GTF3C4: variants seen among roughly 807,000 people sequenced by gnomAD.
The protein encoded by GTF3C4 is general transcription factor IIIC subunit 4.
In GTF3C4, 28 loss-of-function variants were observed where a neutral mutation model predicts 67.5. The ratio of observed to expected loss-of-function variants is 0.41; its 90% CI spans 0.31 to 0.57. GTF3C4 has a LOEUF of 0.57. Among genes scored for constraint, GTF3C4 ranks in the 20% least tolerant of loss-of-function variants. GTF3C4 has a pLI of 0.21. For synonymous variants in GTF3C4, 409 were observed against 393.0 expected (o/e 1.04, Z -0.48); for missense variants, 831 against 1,033.2 (o/e 0.80, Z 2.68).
Position 132,679,866 on chromosome 9 carries a change from G to A in GTF3C4, c.2184+63G>A. ...CCTGCTTTCTTCATGAGAAAGAAATGACCTAAATTGAGTTCCTGAAGCTCA... is the reference window on the plus strand; with the variant it reads ...CCTGCTTTCTTCATGAGAAAGAAATAACCTAAATTGAGTTCCTGAAGCTCA... On this transcript the variant is annotated intron_variant, in intron 2 of 4. Coordinates refer to ENST00000372146, the MANE Select transcript of GTF3C4 (RefSeq NM_012204.4). This position sits in a 1 kb window ranked among gnomAD's most constrained non-coding sequence, Gnocchi z 5.9. 1.9e-5 allele frequency: 27 copies of A among 1,431,022 alleles called. No homozygotes were observed. The highest frequency in any genetic ancestry group is 2.5e-5 in the Non-Finnish European group (27 of 1,061,974). 88.6% of individuals were successfully genotyped at this position (1,431,022 alleles called of 1,614,324 possible). A position where few individuals can be genotyped will look rare whatever the true frequency, so the allele number is the denominator to read the frequency against.
chr9:132,682,168 A>T (rs1278455211), intron 2 of GTF3C4, among the ~76,000 whole-genome samples: 1 of 152,058 alleles, frequency 6.6e-6, no homozygotes, highest in Non-Finnish European at 1.5e-5. Context: ...TCACTGTATC[A>T]TTATCAGGAT....
At position 132,683,688 on chromosome 9, in the gene GTF3C4, G is replaced by A; in HGVS notation, c.2310G>A (p.Trp770Ter). 1 of 1,606,820 alleles carries A rather than the reference G, an allele frequency of 6.2e-7. No individual in the cohort carries two copies. Among genetic ancestry groups the A allele is most frequent in the Non-Finnish European group, 8.5e-7 (1 of 1,178,176 alleles). ...CAGTCTGTTCCAATGGCCACATTTG[G>A]CTCCGGTAAGCCATTTTAAAAGTTT... is the stretch of plus-strand genomic sequence containing the variant. ...KQAVCSNGHI[W>*]LRCFLTYQSC... Residue 770 changes from tryptophan to a stop codon, truncating the protein, a stop_gained, in exon 3 of 5, where the codon TGG becomes TGA. Transcript: ENST00000372146. LOFTEE classifies it high-confidence loss of function.
upstream of GTF3C4, chr9:132,670,308 A>C: frequency 2.0e-6 from 3 of 1,494,996 alleles, no homozygotes; most frequent in Non-Finnish European, 2.7e-6. Flanking sequence ...TTAGGAACTA[A>C]AGCCTGTCTG....
At chr9:132,683,261 A>G (rs1394368207) in intron 2 of GTF3C4, among the ~76,000 whole-genome samples, 1 of 152,218 alleles carries the variant, frequency 6.6e-6, no homozygotes, top group Non-Finnish European at 1.5e-5. Context: ...AAAACAAGGC[A>G]AGTAATAAGA....
intron 2 of GTF3C4, among the ~76,000 whole-genome samples, chr9:132,682,324 C>A (rs1300782996): frequency 6.6e-6 from 1 of 152,134 alleles, no homozygotes; most frequent in Non-Finnish European, 1.5e-5. Flanking sequence ...GGTAAGATAG[C>A]TGGCTTACCA....
chr9:132,687,413 G>A (rs456396), intron 4 of GTF3C4, 86 bp downstream of exon 4: 350,730 of 672,278 alleles, frequency 0.52, 85,954 homozygotes, highest in African/African-American at 0.65. Flanking sequence ...TTCTAGTCAC[G>A]CTCTACACTT....
intron 4 of GTF3C4, among the ~76,000 whole-genome samples, chr9:132,687,681 T>C (rs1268267027): frequency 6.6e-6 from 1 of 152,238 alleles, no homozygotes; most frequent in Non-Finnish European, 1.5e-5. Flanking sequence ...CTGTGGATGA[T>C]ACTTTATACG....
At chr9:132,671,191 C>T (rs571971626) in intron 1 of GTF3C4, among the ~76,000 whole-genome samples, 34 of 152,300 alleles carry the variant, frequency 2.2e-4, no homozygotes, top group Non-Finnish European at 4.4e-4. Context: ...CACAGGTACA[C>T]ACCCAGGGGG....
chr9:132,681,683 T>C (rs1322118995), intron 2 of GTF3C4, among the ~76,000 whole-genome samples: 1 of 152,166 alleles, frequency 6.6e-6, no homozygotes, highest in Non-Finnish European at 1.5e-5. Context: ...AAGTAAGAAC[T>C]TTTTGTCCCA....
chr9:132,673,807 CATTA>C (rs763422292), intron 1 of GTF3C4, among the ~76,000 whole-genome samples: 15 of 152,270 alleles, frequency 9.9e-5, no homozygotes, highest in South Asian at 4.1e-4. Flanking sequence ...ATAGTTCAGA[CATTA>C]ATTATCAGCT....
At position 132,678,252 on chromosome 9, in the gene GTF3C4, C is replaced by G. The variant is rs774888300; in HGVS notation, c.633C>G (p.Ile211Met). 14 of 1,614,074 alleles carry G rather than the reference C, an allele frequency of 8.7e-6. No individual in the cohort carries two copies. The highest frequency in any genetic ancestry group is 2.2e-5 in the East Asian group (1 of 44,904). The change falls in exon 2 of 5, where the codon ATC becomes ATG. Residue 211 changes from isoleucine to methionine, a missense_variant. Coordinates refer to ENST00000372146, the MANE Select transcript of GTF3C4 (RefSeq NM_012204.4). The surrounding 1 kb of genome is among the most constrained non-coding windows in gnomAD (Gnocchi z 6.5). ...TCCAGCTGGTTGACCTGACTGAGAT[C>G]TATGGAGAACGTCTTTATGAGACCA... is the stretch of plus-strand genomic sequence containing the variant. ...QWVQLVDLTEIYGERLYETSY... is the reference protein window; with the variant it reads ...QWVQLVDLTEMYGERLYETSY...
chr9:132,685,177 G>T (rs1489515803), intron 3 of GTF3C4, among the ~76,000 whole-genome samples: 2 of 151,808 alleles, frequency 1.3e-5, no homozygotes. Context: ...ACCACACCCG[G>T]CTAATTTTTT....
At position 132,692,622 on chromosome 9, in the gene GTF3C4, C is replaced by T. The variant is rs1372643084; in HGVS notation, c.*3677C>T. On this transcript the variant is annotated 3_prime_UTR_variant, in exon 5 of 5. Coordinates refer to ENST00000372146, the MANE Select transcript of GTF3C4 (RefSeq NM_012204.4). ...CACCATGGACTGTTTTGAGTCTCTGCATGGTTTCCATAATTCATTATGATG... is the reference window on the plus strand; with the variant it reads ...CACCATGGACTGTTTTGAGTCTCTGTATGGTTTCCATAATTCATTATGATG... 1 of 152,184 alleles carries T rather than the reference C, an allele frequency of 6.6e-6. No homozygotes were observed. The highest frequency in any genetic ancestry group is 1.5e-5 in the Non-Finnish European group (1 of 68,036). The allele number at this position is 152,184 out of a possible 1,614,324, so 9.4% of individuals were successfully genotyped here.
chr9:132,683,461 CT>C (rs1835978700), intron 2 of GTF3C4, 101 bp from the exon 3 acceptor site: 14 of 1,067,154 alleles, frequency 1.3e-5, no homozygotes, highest in Admixed American at 2.5e-5. Flanking sequence ...TTGCTCTTTT[CT>C]TTTTTTCTTT....
rs1405463664 is a variant in GTF3C4 at position 132,678,427 on chromosome 9, G to A, written c.808G>A (p.Asp270Asn). 1 of 1,614,236 alleles carries A rather than the reference G, an allele frequency of 6.2e-7. No homozygotes were observed. Among genetic ancestry groups the A allele is most frequent in the East Asian group, 2.2e-5 (1 of 44,892 alleles). The change falls in exon 2 of 5, where the codon GAC becomes AAC. Residue 270 changes from aspartate to asparagine, a missense_variant. By Grantham distance (23) the Asp-to-Asn change is conservative. Transcript: ENST00000372146. This position sits in a 1 kb window ranked among gnomAD's most constrained non-coding sequence, Gnocchi z 6.5. ...GGTCAAGCATAACAACGAATGCCGG[G>A]ACGTTGGCAGTGTGCTCCTGGCTGT... is the stretch of plus-strand genomic sequence containing the variant. ...QQVKHNNECR[D>N]VGSVLLAVLF...
At chr9:132,677,377 G>T (rs572661207) in intron 1 of GTF3C4, among the ~76,000 whole-genome samples, 1 of 152,206 alleles carries the variant, frequency 6.6e-6, no homozygotes, top group Non-Finnish European at 1.5e-5. Flanking sequence ...ACTCCAGCCC[G>T]GGCGACAGAA....
chr9:132,674,343 G>C (rs1835834083), intron 1 of GTF3C4, among the ~76,000 whole-genome samples: 1 of 152,236 alleles, frequency 6.6e-6, no homozygotes, highest in African/African-American at 2.4e-5. Flanking sequence ...TTTGTTAACA[G>C]TTTTGTGATA....
rs772706118 is a variant in GTF3C4 at position 132,678,384 on chromosome 9, C to G, written c.765C>G (p.Gly255=). ...MQTPVRMEWS[G]ICTTQQVKHN... ...CCCCAGTCAGAATGGAGTGGTCGGG[C>G]ATCTGTACCACCCAGCAGGTCAAGC... is the stretch of plus-strand genomic sequence containing the variant. The change falls in exon 2 of 5, where the codon GGC becomes GGG. Residue 255 remains glycine (G), a synonymous_variant. Transcript: ENST00000372146. This position sits in a 1 kb window ranked among gnomAD's most constrained non-coding sequence, Gnocchi z 6.5. The G allele has an allele frequency of 1.5e-5, 25 of 1,614,176 alleles. No individual in the cohort carries two copies. The highest frequency in any genetic ancestry group is 2.1e-5 in the Non-Finnish European group (25 of 1,180,042).
At position 132,670,604 on chromosome 9, in the gene GTF3C4, C is replaced by T; in HGVS notation, c.6C>T (p.Asn2=). The T allele has an allele frequency of 6.9e-7, 1 of 1,447,528 alleles. No individual in the cohort carries two copies. The highest frequency in any genetic ancestry group is 9.0e-7 in the Non-Finnish European group (1 of 1,111,376). The allele number at this position is 1,447,528 out of a possible 1,614,324, so 89.7% of individuals were successfully genotyped here. A position where few individuals can be genotyped will look rare whatever the true frequency, so the allele number is the denominator to read the frequency against. The change falls in exon 1 of 5, where the codon AAC becomes AAT. Residue 2 remains asparagine (N), a synonymous_variant. Transcript: ENST00000372146. M[N]TADQARVGPA... is the part of the protein sequence containing the mutation. Reference sequence around the variant, plus strand: ...ACCTCTGCACCTGAGAGAAGATGAACACGGCCGACCAGGCCCGGGTGGGGC... The same window carrying T: ...ACCTCTGCACCTGAGAGAAGATGAATACGGCCGACCAGGCCCGGGTGGGGC...
Sources: gnomAD v4.1 joint callset for allele counts (sites outside exome capture counted in the v4.1 genomes callset) on GRCh38, gnomAD v4.1.1 for gene constraint, Gnocchi (gnomAD v3.1) non-coding constraint, MANE v1.5 for transcripts, NCBI Gene and HGNC (gene_info 2026-07-23, HGNC 2026-07-21) for gene names.